Variants in MAGI2 observed in about 807,000 individuals in gnomAD.
The protein encoded by MAGI2 is membrane associated guanylate kinase, WW and PDZ domain containing 2.
MAGI2 carries 35 observed loss-of-function variants against 133.3 expected under a neutral mutation model. The ratio of observed to expected loss-of-function variants is 0.26; its 90% CI spans 0.20 to 0.35. MAGI2 has a LOEUF of 0.35. MAGI2 is among the 10% of genes least tolerant of loss of function. The pLI is 1.00. For synonymous variants in MAGI2, 729 were observed against 710.6 expected, an observed-to-expected ratio of 1.03 and a Z score of -0.41; for missense variants, 1,636 against 1,863.4, an observed-to-expected ratio of 0.88 and a Z score of 2.25.
At chr7:78,479,259 T>G (rs1025221508) in intron 6 of MAGI2, among the ~76,000 whole-genome samples, 6 of 151,968 alleles carry the variant, frequency 3.9e-5, no homozygotes, top group African/African-American at 1.4e-4. Flanking sequence ...TTAAATAGTT[T>G]TTGTATCAAA....
At chr7:78,325,926 G>A (rs1788535994) in intron 9 of MAGI2, among the ~76,000 whole-genome samples, 1 of 152,204 alleles carries the variant, frequency 6.6e-6, no homozygotes, top group Non-Finnish European at 1.5e-5. Flanking sequence ...CATTTTGAAT[G>A]TTACATGTTT....
At chr7:78,250,413 A>AAG (rs1167830453) in intron 10 of MAGI2, among the ~76,000 whole-genome samples, 2 of 152,114 alleles carry the variant, frequency 1.3e-5, no homozygotes, top group Non-Finnish European at 2.9e-5. Flanking sequence ...AGTGAAATTT[A>AAG]TAGTTTTAAG....
intron 2 of MAGI2, among the ~76,000 whole-genome samples, chr7:78,964,055 A>G (rs1175929919): frequency 2.0e-5 from 3 of 151,934 alleles, no homozygotes; most frequent in African/African-American, 7.2e-5. Flanking sequence ...CTGGTGTTAG[A>G]TATGTTTTAT....
intron 9 of MAGI2, among the ~76,000 whole-genome samples, chr7:78,284,558 C>G (rs11768324): frequency 0.059 from 8,967 of 151,402 alleles, 355 homozygotes; most frequent in East Asian, 0.1. Flanking sequence ...TCTAGCTGAA[C>G]TTTTGAAGTG....
At chr7:79,264,663 A>C (rs73373120) in intron 1 of MAGI2, among the ~76,000 whole-genome samples, 289 of 152,224 alleles carry the variant, frequency 1.9e-3, no homozygotes, top group African/African-American at 6.4e-3. Flanking sequence ...TTCTGTTGCT[A>C]TAAAGGAATT....
chr7:78,048,008 T>C (rs1379960973), intron 21 of MAGI2, among the ~76,000 whole-genome samples: 2 of 152,248 alleles, frequency 1.3e-5, no homozygotes, highest in Non-Finnish European at 1.5e-5. Flanking sequence ...GTTTACTTGC[T>C]GATAGGATTG....
At chr7:78,973,404 G>T (rs954643326) in intron 2 of MAGI2, among the ~76,000 whole-genome samples, 1 of 151,744 alleles carries the variant, frequency 6.6e-6, no homozygotes, top group Admixed American at 6.6e-5. Flanking sequence ...CTTCTTTACA[G>T]TGTCATTAGT....
intron 9 of MAGI2, among the ~76,000 whole-genome samples, chr7:78,289,599 A>C (rs76654034): frequency 2.0e-5 from 3 of 152,132 alleles, no homozygotes; most frequent in Non-Finnish European, 4.4e-5. Flanking sequence ...AATTCAGAGA[A>C]CACCACAAAG....
intron 1 of MAGI2, among the ~76,000 whole-genome samples, chr7:79,335,653 G>A (rs1437841509): frequency 6.6e-6 from 1 of 152,018 alleles, no homozygotes; most frequent in Non-Finnish European, 1.5e-5. Flanking sequence ...GAAGTACACA[G>A]CAACATCCTT....
chr7:79,201,365 G>C (rs1346213615), intron 1 of MAGI2, among the ~76,000 whole-genome samples: 2 of 152,004 alleles, frequency 1.3e-5, no homozygotes, highest in African/African-American at 4.8e-5. Flanking sequence ...GTGAATATAA[G>C]AAAAACAGAA....
At chr7:79,395,735 A>G (rs1419432942) in intron 1 of MAGI2, among the ~76,000 whole-genome samples, 1 of 152,186 alleles carries the variant, frequency 6.6e-6, no homozygotes, top group Non-Finnish European at 1.5e-5. Context: ...ACCTCAATGT[A>G]AAATCATGTA....
intron 1 of MAGI2, among the ~76,000 whole-genome samples, chr7:79,204,716 T>C (rs1376346798): frequency 6.6e-6 from 1 of 151,558 alleles, no homozygotes; most frequent in Non-Finnish European, 1.5e-5. Flanking sequence ...GAAAAATACT[T>C]CAATAAAATA....
chr7:78,085,201 T>C (rs1474941494), intron 20 of MAGI2, among the ~76,000 whole-genome samples: 1 of 152,154 alleles, frequency 6.6e-6, no homozygotes, highest in East Asian at 1.9e-4. Context: ...TGTCTGAGAC[T>C]CTCTTTATGC....
intron 2 of MAGI2, among the ~76,000 whole-genome samples, chr7:78,699,540 T>C (rs1471424050): frequency 2.6e-5 from 4 of 152,200 alleles, no homozygotes; most frequent in Non-Finnish European, 4.4e-5. Flanking sequence ...ATTATGTATA[T>C]GCAGATATTC....
chr7:79,176,405 C>T (rs1826099031), intron 1 of MAGI2, among the ~76,000 whole-genome samples: 1 of 151,992 alleles, frequency 6.6e-6, no homozygotes, highest in Non-Finnish European at 1.5e-5. Flanking sequence ...TTTCACCTTT[C>T]CCTCTGCACA....
chr7:78,285,073 A>G (rs552966458), intron 9 of MAGI2, among the ~76,000 whole-genome samples: 202 of 152,246 alleles, frequency 1.3e-3, no homozygotes, highest in Middle Eastern at 3.4e-3. Context: ...TTGACAACTT[A>G]GGAGACAGCT....
At chr7:78,831,936 G>C (rs572498912) in intron 2 of MAGI2, among the ~76,000 whole-genome samples, 1 of 152,120 alleles carries the variant, frequency 6.6e-6, no homozygotes, top group Non-Finnish European at 1.5e-5. Flanking sequence ...AACTTTAAAA[G>C]GAAGGGTCCA....
At chr7:78,458,388 G>C (rs1288776164) in intron 6 of MAGI2, among the ~76,000 whole-genome samples, 2 of 151,780 alleles carry the variant, frequency 1.3e-5, no homozygotes, top group Non-Finnish European at 2.9e-5. Flanking sequence ...AACACCACAG[G>C]CTTGAAGGGC....
chr7:79,232,652 T>G (rs1452901028), intron 1 of MAGI2, among the ~76,000 whole-genome samples: 69 of 116,100 alleles, frequency 5.9e-4, no homozygotes, highest in African/African-American at 2.3e-3. Context: ...CCCTTTATCA[T>G]TTTTTATTGT....
Sources: allele counts gnomAD v4.1 joint callset (sites outside exome capture counted in the v4.1 genomes callset), GRCh38; gene constraint gnomAD v4.1.1; transcripts MANE v1.5; gene names NCBI Gene and HGNC (gene_info 2026-07-23, HGNC 2026-07-21).